NFAM1: variants seen among roughly 807,000 people sequenced by gnomAD.
NFAM1 encodes NFAT activating protein with ITAM motif 1.
NFAM1 carries 17 observed loss-of-function variants against 29.0 expected under a neutral mutation model. The observed-to-expected ratio is 0.59, with a 90% CI of 0.40 to 0.88. The LOEUF is 0.88. Among genes scored for constraint, NFAM1 ranks in the 40% least tolerant of loss-of-function variants. The pLI, the probability that NFAM1 is intolerant of heterozygous loss-of-function variation, is 0.00. For synonymous variants in NFAM1, 175 were observed against 147.2 expected, an observed-to-expected ratio of 1.19 and a Z score of -1.36; for missense variants, 324 against 344.6, an observed-to-expected ratio of 0.94 and a Z score of 0.47.
chr22:42,398,005 C>G (rs755533105), intron 3 of NFAM1, 49 bp from the exon 4 acceptor site: 2 of 1,013,422 alleles, frequency 2.0e-6, no homozygotes, highest in South Asian at 2.9e-5. Context: ...TCTCGTCTTC[C>G]TCCCCGCACA....
intron 1 of NFAM1, among the ~76,000 whole-genome samples, chr22:42,427,061 T>C (rs1930647538): frequency 6.6e-6 from 1 of 152,030 alleles, no homozygotes; most frequent in East Asian, 1.9e-4. Context: ...GCTCAGACCT[T>C]ACCAGGAGCC....
chr22:42,423,632 C>T (rs1930520427), intron 1 of NFAM1, among the ~76,000 whole-genome samples: 1 of 151,992 alleles, frequency 6.6e-6, no homozygotes, highest in Admixed American at 6.6e-5. Flanking sequence ...GGTGGGAGGA[C>T]CACTTGAGTC....
In NFAM1 at chr22:42,408,761, G is replaced by A. The variant is rs143772014; in HGVS notation, c.564+674C>T. On this transcript the variant is annotated intron_variant, in intron 3 of 5. Transcript: ENST00000329021. Reference sequence around the variant, plus strand: ...AGCATGAGGGGAGCCCCAGCAGAGAGGTTCCCTCCCCAGGCAGGTGCCACC... The same window carrying A: ...AGCATGAGGGGAGCCCCAGCAGAGAAGTTCCCTCCCCAGGCAGGTGCCACC... Among the ~76,000 whole-genome samples, 16 of 152,354 alleles carry A rather than the reference G, an allele frequency of 1.1e-4. No homozygotes were observed. The East Asian group carries it at 1.9e-3, about 18-fold the overall frequency.
intron 1 of NFAM1, among the ~76,000 whole-genome samples, chr22:42,414,575 T>A (rs1569233104): frequency 1.9e-4 from 29 of 151,550 alleles, no homozygotes. Flanking sequence ...TTTTTTAAAT[T>A]AAAAAAATTT....
intron 1 of NFAM1, among the ~76,000 whole-genome samples, chr22:42,417,207 TAG>T (rs1256607432): frequency 6.6e-6 from 1 of 152,150 alleles, no homozygotes; most frequent in African/African-American, 2.4e-5. Flanking sequence ...ACTTCAGCTT[TAG>T]AGTTTGAAGT....
At chr22:42,428,042 T>C (rs1220785297) in intron 1 of NFAM1, among the ~76,000 whole-genome samples, 3 of 152,226 alleles carry the variant, frequency 2.0e-5, no homozygotes, top group African/African-American at 7.2e-5. Flanking sequence ...TAGTTCACCA[T>C]GACAGAGGAG....
At chr22:42,402,960 G>A (rs1417576604) in intron 3 of NFAM1, among the ~76,000 whole-genome samples, 5 of 146,892 alleles carry the variant, frequency 3.4e-5, no homozygotes, top group South Asian at 2.2e-4. Context: ...TCAGCCTCCC[G>A]AGTAACTGGG....
intron 5 of NFAM1, 41 bp downstream of exon 5, chr22:42,386,948 T>C: frequency 8.9e-7 from 1 of 1,120,628 alleles, no homozygotes; most frequent in African/African-American, 1.6e-5. Context: ...GAGGGTCAGA[T>C]GGAGCAAGAA....
intron 1 of NFAM1, among the ~76,000 whole-genome samples, chr22:42,420,565 A>C (rs1175966379): frequency 6.6e-6 from 1 of 152,080 alleles, no homozygotes; most frequent in Non-Finnish European, 1.5e-5. Flanking sequence ...CAGGAGTTCA[A>C]GACCAGCCTG....
intron 1 of NFAM1, among the ~76,000 whole-genome samples, chr22:42,413,786 G>T (rs1411136683): frequency 2.6e-5 from 4 of 152,154 alleles, no homozygotes; most frequent in Non-Finnish European, 5.9e-5. Context: ...AGGGCTGTTG[G>T]CTCATGCCCG....
chr22:42,401,057 C>T (rs1253156048), intron 3 of NFAM1, among the ~76,000 whole-genome samples: 1 of 152,184 alleles, frequency 6.6e-6, no homozygotes, highest in East Asian at 1.9e-4. Context: ...ACAAGACCCA[C>T]GCCTGGCCTC....
At position 42,381,020 on chromosome 22, in the gene NFAM1, G is replaced by A. The variant is rs1928927527; in HGVS notation, c.*4141C>T. The stretch of plus-strand genomic sequence containing the variant: ...GAAACTCTGCTGCCAGAATCCCCTG[G>A]AAATGTTTGCTGAGGAGGGGCCACC... On this transcript the variant is annotated 3_prime_UTR_variant, in exon 6 of 6. Transcript: ENST00000329021. 1 of 152,640 alleles carries A rather than the reference G, an allele frequency of 6.6e-6. No individual in the cohort carries two copies. The highest frequency in any genetic ancestry group is 1.5e-5 in the Non-Finnish European group (1 of 68,056). 9.5% of individuals were successfully genotyped at this position (152,640 alleles called of 1,614,324 possible).
chr22:42,422,496 C>T (rs1930478813), intron 1 of NFAM1, among the ~76,000 whole-genome samples: 1 of 152,108 alleles, frequency 6.6e-6, no homozygotes, highest in Non-Finnish European at 1.5e-5. Flanking sequence ...GCCCCAGCTA[C>T]TCAGGAGGCT....
intron 1 of NFAM1, among the ~76,000 whole-genome samples, chr22:42,422,019 C>T (rs1930461504): frequency 1.3e-5 from 2 of 152,238 alleles, no homozygotes; most frequent in Non-Finnish European, 2.9e-5. Flanking sequence ...ACTTGGAAGA[C>T]AACCTTTGAA....
At chr22:42,392,588 T>C (rs1002720678) in intron 4 of NFAM1, among the ~76,000 whole-genome samples, 1 of 152,060 alleles carries the variant, frequency 6.6e-6, no homozygotes, top group East Asian at 1.9e-4. Context: ...GAATTTCAGA[T>C]GGAAGAAATC....
chr22:42,432,591 C>T (rs1930848028), upstream of NFAM1, among the ~76,000 whole-genome samples: 1 of 152,200 alleles, frequency 6.6e-6, no homozygotes, highest in Admixed American at 6.5e-5. Flanking sequence ...CAAGCCTCCC[C>T]ACTCCAACCC....
rs371563375 is a variant in NFAM1 at position 42,411,639 on chromosome 22, G to T, written c.219C>A (p.Pro73=). 1.2e-6 allele frequency: 2 copies of T among 1,613,934 alleles called. No homozygotes were observed. The highest frequency in any genetic ancestry group is 2.7e-5 in the African/African-American group (2 of 74,930). The change falls in exon 2 of 6, where the codon CCC becomes CCA. Residue 73 remains proline, a synonymous_variant. Transcript: ENST00000329021. ...FSCRITYPYT[P]QFKVFTVSYF... Reference sequence around the variant, plus strand: ...AGCTGACTGTGAAAACCTTGAATTGGGGAGTGTATGGATAGGTGATCCTGC... The same window carrying T: ...AGCTGACTGTGAAAACCTTGAATTGTGGAGTGTATGGATAGGTGATCCTGC...
chr22:42,437,888 G>C, the NFAM1 span: 1 of 152,520 alleles, frequency 6.6e-6, no homozygotes, highest in Admixed American at 6.5e-5. Context: ...GGCGGCTGCA[G>C]GACCTCAGCT....
At chr22:42,391,032 C>G (rs1929322429) in intron 4 of NFAM1, among the ~76,000 whole-genome samples, 1 of 152,146 alleles carries the variant, frequency 6.6e-6, no homozygotes, top group East Asian at 1.9e-4. Flanking sequence ...CGCCCAGCTG[C>G]TGGGCCTTGA....
Sources: allele counts gnomAD v4.1 joint callset (sites outside exome capture counted in the v4.1 genomes callset), GRCh38; gene constraint gnomAD v4.1.1; transcripts MANE v1.5; gene names NCBI Gene and HGNC (gene_info 2026-07-23, HGNC 2026-07-21).